CMTR1: variants seen among roughly 807,000 people sequenced by gnomAD.
CMTR1 encodes cap methyltransferase 1.
Under a neutral mutation model 107.0 loss-of-function variants are expected in CMTR1, and 39 were observed. That is an observed-to-expected ratio of 0.36 (90% CI 0.28 to 0.48). The LOEUF is 0.48. Among genes scored for constraint, CMTR1 ranks in the 20% least tolerant of loss-of-function variants. The pLI is 0.99. For synonymous variants in CMTR1, 366 were observed against 379.5 expected, an observed-to-expected ratio of 0.96 and a Z score of 0.41; for missense variants, 672 against 1,064.9, an observed-to-expected ratio of 0.63 and a Z score of 5.14.
intron 2 of CMTR1, among the ~76,000 whole-genome samples, chr6:37,443,133 C>A (rs1247158008): frequency 6.6e-6 from 1 of 152,106 alleles, no homozygotes; most frequent in Non-Finnish European, 1.5e-5. Flanking sequence ...AAATGCTAAC[C>A]CCTGAATGTG....
At chr6:37,440,898 C>A (rs183925729) in intron 2 of CMTR1, among the ~76,000 whole-genome samples, 32 of 152,338 alleles carry the variant, frequency 2.1e-4, no homozygotes, top group Admixed American at 1.3e-3. Flanking sequence ...AATCTAACAG[C>A]CTGGCAACTC....
intron 3 of CMTR1, among the ~76,000 whole-genome samples, chr6:37,445,412 G>T (rs1437115504): frequency 6.6e-6 from 1 of 151,026 alleles, no homozygotes; most frequent in Non-Finnish European, 1.5e-5. Context: ...AGTTTAGTGA[G>T]AACTTACAGA....
At chr6:37,476,265 A>G in intron 20 of CMTR1, 71 bp downstream of exon 20, 1 of 1,499,632 alleles carries the variant, frequency 6.7e-7, no homozygotes, top group Non-Finnish European at 9.3e-7. Context: ...AGTGAGGGAC[A>G]GGAGGGCTCA....
In CMTR1 at chr6:37,466,108, G is replaced by GTTTTTTTTT. The variant is rs747910111; in HGVS notation, c.1505+3105_1505+3106insTTTTTTTTT. On this transcript the variant is annotated intron_variant, in intron 13 of 23. Transcript: ENST00000373451. ...CTCTATGTTTTTAAAGAGTTTTACAGTTTTTGTTTTTTTTTTTTTTTTTGA... is the reference window on the plus strand; with the variant it reads ...CTCTATGTTTTTAAAGAGTTTTACAGTTTTTTTTTTTTTTGTTTTTTTTTTTTTTTTTGA... Among the ~76,000 whole-genome samples the GTTTTTTTTT allele has an allele frequency of 3.1e-5, 4 of 127,744 alleles. 1 individual carries two copies. The highest frequency in any genetic ancestry group is 8.6e-5 in the African/African-American group (3 of 34,750). The allele number at this position is 127,744 out of a possible 152,430, so 83.8% of individuals were successfully genotyped here.
intron 6 of CMTR1, among the ~76,000 whole-genome samples, chr6:37,452,845 A>AT (rs374339246): frequency 4.4e-4 from 64 of 145,426 alleles, no homozygotes; most frequent in East Asian, 1.2e-3. Context: ...ACCTGTTTAC[A>AT]TTTTTTTTTT....
At chr6:37,473,661 C>T in intron 17 of CMTR1, 60 bp downstream of exon 17, 1 of 1,569,230 alleles carries the variant, frequency 6.4e-7, no homozygotes, top group Non-Finnish European at 8.7e-7. Context: ...TTTGCGGAAT[C>T]TGGACAGCTG....
chr6:37,472,579 G>A lies in CMTR1; in HGVS notation c.1689+92G>A. 1 of 1,303,336 alleles carries A rather than the reference G, an allele frequency of 7.7e-7. No individual in the cohort carries two copies. The highest frequency in any genetic ancestry group is 1.1e-6 in the Non-Finnish European group (1 of 901,120). The allele number at this position is 1,303,336 out of a possible 1,614,324, so 80.7% of individuals were successfully genotyped here. A position where few individuals can be genotyped will look rare whatever the true frequency, so the allele number is the denominator to read the frequency against. On this transcript the variant is annotated intron_variant, in intron 16 of 23. Coordinates refer to ENST00000373451, the MANE Select transcript of CMTR1 (RefSeq NM_015050.3). This position sits in a 1 kb window ranked among gnomAD's most constrained non-coding sequence, Gnocchi z 4.1. ...TGAGGCCCCAGATGCATGGTCTCCAGAGGGCTTGTGCAGATGCCCACCATG... is the reference window on the plus strand; with the variant it reads ...TGAGGCCCCAGATGCATGGTCTCCAAAGGGCTTGTGCAGATGCCCACCATG...
At position 37,472,893 on chromosome 6, in the gene CMTR1, C is replaced by T. The variant is rs2113892258; in HGVS notation, c.1689+406C>T. 6.6e-6 allele frequency among the ~76,000 whole-genome samples: 1 copy of T among 152,282 alleles called. No homozygotes were observed. Among genetic ancestry groups the T allele is most frequent in the South Asian group, 2.1e-4 (1 of 4,824 alleles). On this transcript the variant is annotated intron_variant, in intron 16 of 23. Transcript: ENST00000373451. This position sits in a 1 kb window ranked among gnomAD's most constrained non-coding sequence, Gnocchi z 4.1. The stretch of plus-strand genomic sequence containing the variant: ...GCCCGCAGCAGGGTTGGCCTAACCC[C>T]AGGTTCTTTGTCTTATTTCTGGTGA...
chr6:37,436,775 T>C (rs1192316556), intron 2 of CMTR1, among the ~76,000 whole-genome samples: 1 of 152,144 alleles, frequency 6.6e-6, no homozygotes, highest in African/African-American at 2.4e-5. Context: ...ATTTCCAAAT[T>C]AGGTCACATT....
chr6:37,475,272 GA>G, intron 18 of CMTR1, 48 bp from the exon 19 acceptor site: 1 of 1,487,358 alleles, frequency 6.7e-7, no homozygotes, highest in Non-Finnish European at 9.3e-7. Flanking sequence ...AGTGGGGGCT[GA>G]AGGCTGACAC....
At position 37,479,178 on chromosome 6, in the gene CMTR1, CAAG is replaced by C. The variant is rs1761805141; in HGVS notation, c.2305_2307del (p.Lys769del). On this transcript the variant is annotated inframe_deletion, in exon 23 of 24. Coordinates refer to ENST00000373451, the MANE Select transcript of CMTR1 (RefSeq NM_015050.3). ...GGACTATGGGATTCAGCAAAAGCTT[CAAG>C]AAGAAGTTCTTCTACAACAAGAAAA... 4 of 1,614,130 alleles carry C rather than the reference CAAG, an allele frequency of 2.5e-6. No individual in the cohort carries two copies. Among genetic ancestry groups the C allele is most frequent in the Non-Finnish European group, 3.4e-6 (4 of 1,179,964 alleles).
At position 37,458,842 on chromosome 6, in the gene CMTR1, T is replaced by C. The variant is rs1416821373; in HGVS notation, c.976+32T>C. ...ACATTGAGGAGGGTACTAGGAGGTATGAGGGACAGCCCCTCTATGGGGACT... is the reference window on the plus strand; with the variant it reads ...ACATTGAGGAGGGTACTAGGAGGTACGAGGGACAGCCCCTCTATGGGGACT... On this transcript the variant is annotated intron_variant, in intron 9 of 23. Coordinates refer to ENST00000373451, the MANE Select transcript of CMTR1 (RefSeq NM_015050.3). This position sits in a 1 kb window ranked among gnomAD's most constrained non-coding sequence, Gnocchi z 4.7. The C allele has an allele frequency of 1.9e-6, 3 of 1,603,732 alleles. No homozygotes were observed. Among genetic ancestry groups the C allele is most frequent in the African/African-American group, 2.7e-5 (2 of 74,710 alleles).
chr6:37,472,407 G>T lies in CMTR1; in HGVS notation c.1621-12G>T. On this transcript the variant is annotated splice_polypyrimidine_tract_variant and intron_variant, in intron 15 of 23. Coordinates refer to ENST00000373451, the MANE Select transcript of CMTR1 (RefSeq NM_015050.3). The surrounding 1 kb of genome is among the most constrained non-coding windows in gnomAD (Gnocchi z 4.1). ...CATTTGAAAGTCAAAGCTCTTTGCT[G>T]TCTTATTTCAGATCCCAGACCAGGC... The T allele has an allele frequency of 6.2e-7, 1 of 1,614,088 alleles. No individual in the cohort carries two copies. Among genetic ancestry groups the T allele is most frequent in the Non-Finnish European group, 8.5e-7 (1 of 1,179,932 alleles).
At chr6:37,441,041 A>G (rs1287756671) in intron 2 of CMTR1, among the ~76,000 whole-genome samples, 1 of 152,154 alleles carries the variant, frequency 6.6e-6, no homozygotes. Flanking sequence ...GTAGCTTGTG[A>G]TTAGTCAGGG....
Position 37,475,359 on chromosome 6 carries a change from C to G in CMTR1, c.1983C>G (p.Leu661=), listed in dbSNP as rs774607588. ...GGAAGATCAGTGCCATCCACATCCTCGATGTCCTTGTGCTGAATGGCACCG... is the reference window on the plus strand; with the variant it reads ...GGAAGATCAGTGCCATCCACATCCTGGATGTCCTTGTGCTGAATGGCACCG... ...AQRKISAIHI[L]DVLVLNGTDV... is the part of the protein sequence containing the mutation. The change falls in exon 19 of 24, where the codon CTC becomes CTG. Residue 661 remains leucine, a synonymous_variant. Coordinates refer to ENST00000373451, the MANE Select transcript of CMTR1 (RefSeq NM_015050.3). 4.3e-6 allele frequency: 7 copies of G among 1,613,798 alleles called. No individual in the cohort carries two copies. Among genetic ancestry groups the G allele is most frequent in the Non-Finnish European group, 5.9e-6 (7 of 1,179,858 alleles).
At chr6:37,428,263 A>G (rs561508412), upstream of CMTR1, among the ~76,000 whole-genome samples, 2 of 152,292 alleles carry the variant, frequency 1.3e-5, no homozygotes, top group African/African-American at 4.8e-5. Context: ...GTGTCATTGC[A>G]AGTTTGGACA....
chr6:37,456,960 C>A (rs1761307251), intron 8 of CMTR1, among the ~76,000 whole-genome samples: 1 of 151,914 alleles, frequency 6.6e-6, no homozygotes, highest in Admixed American at 6.6e-5. Flanking sequence ...GTGACTTACA[C>A]TTGTAATTCC....
intron 4 of CMTR1, among the ~76,000 whole-genome samples, chr6:37,449,607 C>T (rs1269490579): frequency 6.6e-6 from 1 of 152,228 alleles, no homozygotes; most frequent in Non-Finnish European, 1.5e-5. Flanking sequence ...CCACACCCAG[C>T]TGCATCAGTA....
intron 10 of CMTR1, among the ~76,000 whole-genome samples, chr6:37,460,918 C>A (rs1761390482): frequency 4.6e-5 from 7 of 152,132 alleles, no homozygotes; most frequent in Admixed American, 4.6e-4. Flanking sequence ...TGGGATCTCA[C>A]AAGGAGGGAG....
Sources: allele counts gnomAD v4.1 joint callset (sites outside exome capture counted in the v4.1 genomes callset), GRCh38; gene constraint gnomAD v4.1.1; non-coding constraint Gnocchi (gnomAD v3.1); transcripts MANE v1.5; gene names NCBI Gene and HGNC (gene_info 2026-07-23, HGNC 2026-07-21).